Variants in MAPKBP1 observed in about 807,000 individuals in gnomAD.
MAPKBP1 encodes the protein mitogen-activated protein kinase binding protein 1, also known as mitogen-activated protein kinase-binding protein 1.
In MAPKBP1, 71 loss-of-function variants were observed where a neutral mutation model predicts 170.5. The ratio of observed to expected loss-of-function variants is 0.42; its 90% CI spans 0.34 to 0.51. MAPKBP1 has a LOEUF of 0.51. Among genes scored for constraint, MAPKBP1 ranks in the 20% least tolerant of loss-of-function variants. MAPKBP1 has a pLI of 0.06. For missense variants in MAPKBP1, 1,598 were observed against 1,933.0 expected (o/e 0.83, Z 3.25); for synonymous variants, 719 against 757.9 (o/e 0.95, Z 0.84).
In MAPKBP1 at chr15:41,821,996, A is replaced by G. The variant is rs184646552; in HGVS notation, c.2917A>G (p.Thr973Ala). 1.2e-6 allele frequency: 2 copies of G among 1,610,564 alleles called. No individual in the cohort carries two copies. The highest frequency in any genetic ancestry group is 2.7e-5 in the African/African-American group (2 of 74,950). Residue 973 changes from threonine (T) to alanine (A), a missense_variant, in exon 25 of 31, where the codon ACT becomes GCT. Transcript: ENST00000457542. ...CCAAGTGCAGGCTCCAGCCCGGGGAACTCTGGGAAGAGTGTACCCAGGCAG... is the reference window on the plus strand; with the variant it reads ...CCAAGTGCAGGCTCCAGCCCGGGGAGCTCTGGGAAGAGTGTACCCAGGCAG... ...EFQVQAPARG[T>A]LGRVYPGSRS...
At chr15:41,814,867 C>A in intron 10 of MAPKBP1, 128 bp downstream of exon 10, 1 of 1,194,210 alleles carries the variant, frequency 8.4e-7, no homozygotes, top group Non-Finnish European at 1.2e-6. Flanking sequence ...CAGTGACTTC[C>A]CTGGGATAGA....
At chr15:41,821,301 G>A (rs543154706) in intron 23 of MAPKBP1, 1 of 614,982 alleles carries the variant, frequency 1.6e-6, no homozygotes, top group Admixed American at 2.9e-5. Flanking sequence ...CCCTGGGCTG[G>A]GTTTCTTGGA....
intron 3 of MAPKBP1, among the ~76,000 whole-genome samples, chr15:41,804,264 G>A (rs924653347): frequency 6.6e-6 from 1 of 152,234 alleles, no homozygotes; most frequent in African/African-American, 2.4e-5. Context: ...TGGGTTTGGG[G>A]TCAGTGTCTC....
intron 3 of MAPKBP1, among the ~76,000 whole-genome samples, chr15:41,809,569 C>G (rs1374115847): frequency 4.6e-5 from 7 of 152,234 alleles, no homozygotes; most frequent in Admixed American, 4.6e-4. Context: ...TCTCCTCTTT[C>G]TCTCCTCCCT....
intron 23 of MAPKBP1, 164 bp downstream of exon 23, chr15:41,821,232 G>T (rs1005488842): frequency 1.4e-5 from 10 of 717,496 alleles, no homozygotes; most frequent in Non-Finnish European, 2.3e-5. Flanking sequence ...GGGCTGTATG[G>T]TTTGGTCATC....
In MAPKBP1 at chr15:41,822,386, C is replaced by T. The variant is rs1456844957; in HGVS notation, c.3193C>T (p.Gln1065Ter). 1 of 1,614,106 alleles carries T rather than the reference C, an allele frequency of 6.2e-7. No homozygotes were observed. Among genetic ancestry groups the T allele is most frequent in the South Asian group, 1.1e-5 (1 of 91,076 alleles). Residue 1065 changes from glutamine to a stop codon, truncating the protein, a stop_gained, in exon 26 of 31, where the codon CAG becomes TAG. Transcript: ENST00000457542. LOFTEE classifies it high-confidence loss of function. ...QTPDQEQFLK[Q>*]HFETLASGAA... is the part of the protein sequence containing the mutation. The stretch of plus-strand genomic sequence containing the variant: ...TCCAGACCAGGAGCAGTTTCTAAAA[C>T]AGCACTTTGAGACTCTGGCCAGTGG...
rs1481257804 is a variant in MAPKBP1, at chr15:41,781,974, C to T, written c.114+6585C>T. On this transcript the variant is annotated intron_variant, in intron 2 of 30. Coordinates refer to ENST00000457542, the MANE Select transcript of MAPKBP1 (RefSeq NM_014994.3). ...AAAAAATTATGAAATACAGGCCGGGCGCAGTGGCTCATGCCTGTAATCCTA... is the reference window on the plus strand; with the variant it reads ...AAAAAATTATGAAATACAGGCCGGGTGCAGTGGCTCATGCCTGTAATCCTA... Among the ~76,000 whole-genome samples, 6 of 151,584 alleles carry T rather than the reference C, an allele frequency of 4.0e-5. No homozygotes were observed. In the South Asian group the frequency reaches 1.0e-3, roughly 26 times the overall value.
intron 9 of MAPKBP1, 123 bp from the exon 10 acceptor site, chr15:41,814,427 A>G (rs533471960): frequency 1.1e-6 from 1 of 927,798 alleles, no homozygotes; most frequent in Non-Finnish European, 1.6e-6. Flanking sequence ...TCTTCTCTCA[A>G]GCAACTACTT....
At position 41,811,262 on chromosome 15, in the gene MAPKBP1, C is replaced by CT. The variant is rs768375422; in HGVS notation, c.327+28dup. On this transcript the variant is annotated intron_variant, in intron 5 of 30. Coordinates refer to ENST00000457542, the MANE Select transcript of MAPKBP1 (RefSeq NM_014994.3). ...TGAGTGAGGAAGAGGGCTGGCAGTA[C>CT]TGTAAAGAGGGCAGGTGTCCTGGCC... is the stretch of plus-strand genomic sequence containing the variant. The CT allele has an allele frequency of 2.4e-5, 39 of 1,613,826 alleles. No individual in the cohort carries two copies. In the African/African-American group the frequency reaches 4.7e-4, roughly 19 times the overall value.
At chr15:41,779,079 A>T (rs2064141256) in intron 2 of MAPKBP1, among the ~76,000 whole-genome samples, 1 of 152,102 alleles carries the variant, frequency 6.6e-6, no homozygotes, top group South Asian at 2.1e-4. Context: ...GTGTGGTGGT[A>T]CTTCGAGCCT....
Position 41,825,405 on chromosome 15 carries a change from C to T in MAPKBP1, c.4496C>T (p.Ala1499Val). 1 of 1,612,606 alleles carries T rather than the reference C, an allele frequency of 6.2e-7. No homozygotes were observed. The change falls in exon 31 of 31, where the codon GCC (alanine) becomes GTC (valine). Residue 1499 changes from alanine to valine, a missense_variant. By Grantham distance (64) the Ala-to-Val change is moderately conservative. Coordinates refer to ENST00000457542, the MANE Select transcript of MAPKBP1 (RefSeq NM_014994.3). Reference sequence around the variant, plus strand: ...CAATACTCAGAACTGTTGCTTCGAGCCGTGGAACGGCGTATGGAACGCAAA... The same window carrying T: ...CAATACTCAGAACTGTTGCTTCGAGTCGTGGAACGGCGTATGGAACGCAAA... ...LEQYSELLLR[A>V]VERRMERKL
At chr15:41,814,325 T>C (rs1385611464) in intron 9 of MAPKBP1, among the ~76,000 whole-genome samples, 2 of 152,204 alleles carry the variant, frequency 1.3e-5, no homozygotes, top group East Asian at 1.9e-4. Flanking sequence ...TTGTCTAACG[T>C]TGGTGTTCTG....
chr15:41,813,444 G>T, intron 8 of MAPKBP1, 177 bp from the exon 9 acceptor site: 2 of 1,447,058 alleles, frequency 1.4e-6, no homozygotes, highest in South Asian at 2.3e-5. Flanking sequence ...AAGAATCCTC[G>T]GTTCCTAATC....
rs1014166683 is a variant in MAPKBP1 at position 41,825,529 on chromosome 15, G to A, written c.*93G>A. ...ACCAAAACCTGCGGGGCTGCTTGGA[G>A]TGGAAAGCAGGGAGCAGTGTTCAGA... On this transcript the variant is annotated 3_prime_UTR_variant, in exon 31 of 31. Transcript: ENST00000457542. 9 of 1,170,682 alleles carry A rather than the reference G, an allele frequency of 7.7e-6. No homozygotes were observed. In the African/African-American group the frequency reaches 1.2e-4, roughly 16 times the overall value. The allele number at this position is 1,170,682 out of a possible 1,614,324, so 72.5% of individuals were successfully genotyped here. A position where few individuals can be genotyped will look rare whatever the true frequency, so the allele number is the denominator to read the frequency against.
At chr15:41,819,415 T>C in intron 21 of MAPKBP1, 36 bp downstream of exon 21, 1 of 1,611,392 alleles carries the variant, frequency 6.2e-7, no homozygotes, top group Non-Finnish European at 8.5e-7. Context: ...AGACAGGCCC[T>C]AGTTGGTATA....
At position 41,786,777 on chromosome 15, in the gene MAPKBP1, A is replaced by AAAATATATATATATATATAT; in HGVS notation, c.114+11389_114+11390insAATATATATATATATATATA. On this transcript the variant is annotated intron_variant, in intron 2 of 30. Coordinates refer to ENST00000457542, the MANE Select transcript of MAPKBP1 (RefSeq NM_014994.3). ...CAGACTCCGTCTAAAAAAAAAAAAA[A>AAAATATATATATATATATAT]ATATATATATATATATATATATATA... Among the ~76,000 whole-genome samples, 202 of 32,126 alleles carry AAAATATATATATATATATAT rather than the reference A, an allele frequency of 6.3e-3. 1 individual carries two copies. Among genetic ancestry groups the AAAATATATATATATATATAT allele is most frequent in the Non-Finnish European group, 9.1e-3 (162 of 17,788 alleles). The allele number at this position is 32,126 out of a possible 152,430, so 21.1% of individuals were successfully genotyped here. A position where few individuals can be genotyped will look rare whatever the true frequency, so the allele number is the denominator to read the frequency against.
At position 41,812,930 on chromosome 15, in the gene MAPKBP1, T is replaced by C. The variant is rs1567148786; in HGVS notation, c.648T>C (p.Thr216=). 2.5e-6 allele frequency: 4 copies of C among 1,601,832 alleles called. No individual in the cohort carries two copies. The highest frequency in any genetic ancestry group is 3.4e-6 in the Non-Finnish European group (4 of 1,173,884). The change falls in exon 8 of 31, where the codon ACT becomes ACC. Residue 216 remains threonine, a synonymous_variant. Transcript: ENST00000457542. The part of the protein sequence containing the change: ...DDSKTSKVNA[T]VPLLGRSGLL... ...GTGTGCCTCCACAGGTGAATGCCAC[T>C]GTGCCCTTGCTGGGCCGCTCAGGGC...
intron 8 of MAPKBP1, chr15:41,813,304 T>A: frequency 6.5e-7 from 1 of 1,528,968 alleles, no homozygotes; most frequent in Non-Finnish European, 9.1e-7. Flanking sequence ...TTCTGTCTCT[T>A]TCCCCTGCTT....
intron 9 of MAPKBP1, 51 bp from the exon 10 acceptor site, chr15:41,814,499 C>T (rs767085091): frequency 8.3e-5 from 130 of 1,562,108 alleles, no homozygotes; most frequent in Middle Eastern, 1.7e-4. Flanking sequence ...GGATTGGCTT[C>T]TCTTTTCATT....
Sources: allele counts gnomAD v4.1 joint callset (sites outside exome capture counted in the v4.1 genomes callset), GRCh38; gene constraint gnomAD v4.1.1; transcripts MANE v1.5; gene names NCBI Gene and HGNC (gene_info 2026-07-23, HGNC 2026-07-21).